DENND6B: variants seen among roughly 807,000 people sequenced by gnomAD.
DENND6B encodes DENN domain containing 6B.
Under a neutral mutation model 85.1 loss-of-function variants are expected in DENND6B, and 73 were observed. The observed-to-expected ratio is 0.86, with a 90% CI of 0.71 to 1.04. The LOEUF is 1.04. Among genes scored for constraint, DENND6B ranks in the 50% least tolerant of loss-of-function variants. DENND6B has a pLI of 0.00. For missense variants in DENND6B, 715 were observed against 785.8 expected (o/e 0.91, Z 1.08); for synonymous variants, 357 against 329.3 (o/e 1.08, Z -0.91).
At chr22:50,320,445 C>T (rs2042008033) in intron 1 of DENND6B, among the ~76,000 whole-genome samples, 1 of 152,252 alleles carries the variant, frequency 6.6e-6, no homozygotes, top group Non-Finnish European at 1.5e-5. Context: ...CCTGCTTTGC[C>T]TCTTCCAATG....
intron 1 of DENND6B, among the ~76,000 whole-genome samples, chr22:50,326,134 G>A (rs765780819): frequency 6.6e-6 from 1 of 152,264 alleles, no homozygotes; most frequent in African/African-American, 2.4e-5. Flanking sequence ...AAAGGAGGCT[G>A]CCTGTGTGGG....
At chr22:50,319,408 C>T (rs1346298943) in intron 1 of DENND6B, 2 of 985,330 alleles carry the variant, frequency 2.0e-6, no homozygotes, top group African/African-American at 3.5e-5. Flanking sequence ...CCCTTTCTCA[C>T]ACCCCTGGTC....
intron 6 of DENND6B, 55 bp downstream of exon 6, chr22:50,316,315 A>G (rs2041813646): frequency 7.7e-6 from 12 of 1,562,604 alleles, no homozygotes; most frequent in Middle Eastern, 1.7e-4. Context: ...CGAGCCCACC[A>G]GGGGCCACAG....
rs1047961206 is a variant in DENND6B, at chr22:50,314,795, A to G, written c.881+4T>C. 8 of 1,603,324 alleles carry G rather than the reference A, an allele frequency of 5.0e-6. No homozygotes were observed. The African/African-American group carries it at 9.4e-5, about 19-fold the overall frequency. On this transcript the variant is annotated splice_donor_region_variant and intron_variant, in intron 10 of 19. Transcript: ENST00000413817. ...CCCCAGCCGGGACCGGGCCAAGGCG[A>G]TACCTGGTCAAGGCCAGCACCATCT...
intron 1 of DENND6B, among the ~76,000 whole-genome samples, chr22:50,320,636 G>A (rs930963169): frequency 2.8e-4 from 43 of 152,240 alleles, no homozygotes; most frequent in African/African-American, 1.0e-3. Flanking sequence ...AGGAGGACGA[G>A]GGTGGAAGCT....
rs200404887 is a variant in DENND6B at position 50,316,271 on chromosome 22, C to T, written c.560-18G>A. On this transcript the variant is annotated intron_variant, in intron 6 of 19. Transcript: ENST00000413817. The stretch of plus-strand genomic sequence containing the variant: ...ACTGCACACTGCGGATGCAGTAGCC[C>T]GCATCAGGACCCTCCCCAAGGAGAA... 3.5e-5 allele frequency: 55 copies of T among 1,583,754 alleles called. No individual in the cohort carries two copies. In the African/African-American group the frequency reaches 4.0e-4, roughly 12 times the overall value.
rs1017695483 is a variant in DENND6B, at chr22:50,309,437, G to C, written c.*2702C>G. ...TGGCCTAGCCCTGGACAGAGGCTCA[G>C]CCAACTCAGAGCGGCCCTGACACTG... On this transcript the variant is annotated 3_prime_UTR_variant, in exon 20 of 20. Coordinates refer to ENST00000413817, the MANE Select transcript of DENND6B (RefSeq NM_001001794.4). The C allele has an allele frequency of 6.6e-6, 1 of 152,434 alleles. No homozygotes were observed. The highest frequency in any genetic ancestry group is 2.4e-5 in the African/African-American group (1 of 41,478). The allele number at this position is 152,434 out of a possible 1,614,324, so 9.4% of individuals were successfully genotyped here. A position where few individuals can be genotyped will look rare whatever the true frequency, so the allele number is the denominator to read the frequency against.
intron 9 of DENND6B, chr22:50,315,215 CTGGG>C (rs1256695539): frequency 2.3e-6 from 1 of 439,260 alleles, no homozygotes; most frequent in African/African-American, 2.0e-5. Flanking sequence ...GTCTGCTGAC[CTGGG>C]CTGGGGGGTA....
chr22:50,313,382 T>C lies in DENND6B; in HGVS notation c.1347+64A>G. ...ACAGCCTCCTGCTCCAGACCTTCCC[T>C]CCTCCGGGTGAGGAAGGGAACCCGC... is the stretch of plus-strand genomic sequence containing the variant. On this transcript the variant is annotated intron_variant, in intron 16 of 19. Coordinates refer to ENST00000413817, the MANE Select transcript of DENND6B (RefSeq NM_001001794.4). 3 of 1,519,180 alleles carry C rather than the reference T, an allele frequency of 2.0e-6. No individual in the cohort carries two copies. In the South Asian group the frequency reaches 3.8e-5, roughly 19 times the overall value. 94.1% of individuals were successfully genotyped at this position (1,519,180 alleles called of 1,614,324 possible). A position where few individuals can be genotyped will look rare whatever the true frequency, so the allele number is the denominator to read the frequency against.
Position 50,318,675 on chromosome 22 carries a change from TG to T in DENND6B, c.259+171del, listed in dbSNP as rs1371880920. ...GAATCTGGGGACCGGCCTGACCTGC[TG>T]CAACGCGGGGCTCTGGGTGCCTCCA... is the stretch of plus-strand genomic sequence containing the variant. On this transcript the variant is annotated intron_variant, in intron 3 of 19. Coordinates refer to ENST00000413817, the MANE Select transcript of DENND6B (RefSeq NM_001001794.4). Among the ~76,000 whole-genome samples, 3 of 152,108 alleles carry T rather than the reference TG, an allele frequency of 2.0e-5. No individual in the cohort carries two copies. In the East Asian group the frequency reaches 5.8e-4, roughly 29 times the overall value.
chr22:50,319,023 G>A lies in DENND6B; in HGVS notation c.178-20C>T, dbSNP rs1043180571. The A allele has an allele frequency of 1.3e-6, 2 of 1,587,354 alleles. No homozygotes were observed. Among genetic ancestry groups the A allele is most frequent in the Non-Finnish European group, 1.7e-6 (2 of 1,167,160 alleles). ...CACCAGCTGCAGAGGAAGACAGAGT[G>A]CTTGGTGACACCATCTGTCCGAGGA... On this transcript the variant is annotated intron_variant, in intron 1 of 19. Coordinates refer to ENST00000413817, the MANE Select transcript of DENND6B (RefSeq NM_001001794.4).
Position 50,326,818 on chromosome 22 carries a change from C to G in DENND6B, c.171G>C (p.Ala57=). The change falls in exon 1 of 20, where the codon GCG becomes GCC. Residue 57 remains alanine, a synonymous_variant. Transcript: ENST00000413817. ...VVTFDLELGQ[A]LELVYPNDFR... ...CGCGCTCGCGCCCGCTCACCTCCAGCGCCTGGCCCAGCTCCAGGTCGAAGG... is the reference window on the plus strand; with the variant it reads ...CGCGCTCGCGCCCGCTCACCTCCAGGGCCTGGCCCAGCTCCAGGTCGAAGG... The G allele has an allele frequency of 1.4e-6, 2 of 1,417,466 alleles. No individual in the cohort carries two copies. The highest frequency in any genetic ancestry group is 1.8e-6 in the Non-Finnish European group (2 of 1,089,918). The allele number at this position is 1,417,466 out of a possible 1,614,324, so 87.8% of individuals were successfully genotyped here.
rs757569865 is a variant in DENND6B, at chr22:50,316,387, G to T, written c.542C>A (p.Ala181Glu). 1.3e-6 allele frequency: 2 copies of T among 1,579,490 alleles called. No homozygotes were observed. Among genetic ancestry groups the T allele is most frequent in the Admixed American group, 3.7e-5 (2 of 54,502 alleles). The change falls in exon 6 of 20, where the codon GCG (alanine) becomes GAG (glutamate). Residue 181 changes from alanine (A) to glutamate (E), a missense_variant. Ala to Glu is a moderately radical substitution (Grantham distance 107, BLOSUM62 -1). Transcript: ENST00000413817. ...CCACTCACCTGCTTCCAGGCAGGGCGCCAGCTTGTCAAAGTACTCGGGGGC... is the reference window on the plus strand; with the variant it reads ...CCACTCACCTGCTTCCAGGCAGGGCTCCAGCTTGTCAAAGTACTCGGGGGC... ...LIAPEYFDKL[A>E]PCLEAVCSEI...
chr22:50,326,786 C>CCGCGCCCGCGCT lies in DENND6B; in HGVS notation c.177+14_177+25dup, dbSNP rs1162985402. On this transcript the variant is annotated intron_variant, in intron 1 of 19. Coordinates refer to ENST00000413817, the MANE Select transcript of DENND6B (RefSeq NM_001001794.4). Reference sequence around the variant, plus strand: ...GAGAGGCGCAGCCCTGCCCACCCGCCCGCGCCCGCGCTCGCGCCCGCTCAC... The same window carrying CCGCGCCCGCGCT: ...GAGAGGCGCAGCCCTGCCCACCCGCCCGCGCCCGCGCTCGCGCCCGCGCTCGCGCCCGCTCAC... 1.8e-5 allele frequency: 25 copies of CCGCGCCCGCGCT among 1,364,860 alleles called. 1 individual carries two copies. The highest frequency in any genetic ancestry group is 1.2e-4 in the African/African-American group (8 of 65,140). The allele number at this position is 1,364,860 out of a possible 1,614,324, so 84.5% of individuals were successfully genotyped here.
At chr22:50,326,777 C>G in intron 1 of DENND6B, 35 bp downstream of exon 1, 1 of 1,336,716 alleles carries the variant, frequency 7.5e-7, no homozygotes, top group Non-Finnish European at 9.6e-7. Flanking sequence ...CGCAGCCCTG[C>G]CCACCCGCCC....
At chr22:50,315,602 G>A (rs745603539) in intron 9 of DENND6B, 112 bp downstream of exon 9, 105 of 1,287,362 alleles carry the variant, frequency 8.2e-5, no homozygotes, top group Non-Finnish European at 5.1e-5. Flanking sequence ...GTGCACTCAC[G>A]CAGACACACA....
intron 13 of DENND6B, 146 bp from the exon 14 acceptor site, chr22:50,314,024 C>G: frequency 4.6e-6 from 6 of 1,290,642 alleles, no homozygotes; most frequent in Non-Finnish European, 6.2e-6. Context: ...CCACCCACCC[C>G]CCAGACACCG....
intron 6 of DENND6B, 55 bp downstream of exon 6, chr22:50,316,314 CA>C (rs1217759672): frequency 9.6e-6 from 15 of 1,562,416 alleles, no homozygotes; most frequent in Non-Finnish European, 8.7e-6. Context: ...CCGAGCCCAC[CA>C]GGGGCCACAG....
At position 50,315,705 on chromosome 22, in the gene DENND6B, G is replaced by A. The variant is rs1169449503; in HGVS notation, c.758+9C>T. On this transcript the variant is annotated intron_variant, in intron 9 of 19. Coordinates refer to ENST00000413817, the MANE Select transcript of DENND6B (RefSeq NM_001001794.4). ...TCAAAAGCAGTGTGCAGAACCCTAG[G>A]GGGCTCACCTGAACAGGTCCAGCTC... 1.9e-6 allele frequency: 3 copies of A among 1,567,868 alleles called. No homozygotes were observed. Among genetic ancestry groups the A allele is most frequent in the Admixed American group, 1.9e-5 (1 of 52,188 alleles).
Sources: allele counts gnomAD v4.1 joint callset (sites outside exome capture counted in the v4.1 genomes callset), GRCh38; gene constraint gnomAD v4.1.1; transcripts MANE v1.5; gene names NCBI Gene and HGNC (gene_info 2026-07-23, HGNC 2026-07-21).